The following PRKN variants were observed in gnomAD, a reference collection of about 807,000 sequenced individuals.
The protein encoded by PRKN is parkin RBR E3 ubiquitin protein ligase, also known as E3 ubiquitin-protein ligase parkin.
In PRKN, 56 loss-of-function variants were observed where a neutral mutation model predicts 59.5. That is an observed-to-expected ratio of 0.94 (90% confidence interval 0.76 to 1.18). PRKN has a LOEUF of 1.18. Among genes scored for constraint, PRKN ranks in the 50% most tolerant of loss-of-function variants. The probability of loss-of-function intolerance (pLI) is 0.00; values close to 1 mark genes in which losing one functional copy is unlikely to be tolerated. For synonymous variants in PRKN, 250 were observed against 222.1 expected (o/e 1.13, Z -1.12); for missense variants, 657 against 596.4 (o/e 1.10, Z -1.06).
chr6:161,873,860 G>T lies in PRKN; in HGVS notation c.735-87952C>A, dbSNP rs1037770268. The stretch of plus-strand genomic sequence containing the variant: ...AACAATATATTTAAGACTTTTAAAA[G>T]ACCTGTTTTTTGTTTATATATAAAT... On this transcript the variant is annotated intron_variant, in intron 6 of 11. Transcript: ENST00000366898. 3.9e-5 allele frequency among the ~76,000 whole-genome samples: 5 copies of T among 127,486 alleles called. 2 individuals are homozygous for T. The highest frequency in any genetic ancestry group is 1.4e-4 in the African/African-American group (5 of 36,014). The allele number at this position is 127,486 out of a possible 152,430, so 83.6% of individuals were successfully genotyped here.
chr6:162,235,202 T>C (rs1778598197), intron 3 of PRKN, among the ~76,000 whole-genome samples: 1 of 152,184 alleles, frequency 6.6e-6, no homozygotes, highest in Non-Finnish European at 1.5e-5. Flanking sequence ...CTGTCCAGAT[T>C]GCTTTTAAAA....
At chr6:162,423,726 T>A (rs1002305061) in intron 2 of PRKN, among the ~76,000 whole-genome samples, 2 of 152,176 alleles carry the variant, frequency 1.3e-5, no homozygotes, top group East Asian at 3.9e-4. Context: ...AGACGTTAAA[T>A]CAATTCAGCC....
chr6:162,086,979 C>T (rs1290878564), intron 4 of PRKN, among the ~76,000 whole-genome samples: 1 of 152,096 alleles, frequency 6.6e-6, no homozygotes, highest in East Asian at 1.9e-4. Context: ...TATGAAAATA[C>T]AAGGAAATAT....
At chr6:162,292,904 C>T (rs963647901) in intron 2 of PRKN, among the ~76,000 whole-genome samples, 1 of 152,144 alleles carries the variant, frequency 6.6e-6, no homozygotes, top group African/African-American at 2.4e-5. Flanking sequence ...AGCAGCAATA[C>T]TGTAGGTATG....
chr6:162,515,570 A>G (rs574534914), intron 1 of PRKN, among the ~76,000 whole-genome samples: 1 of 152,324 alleles, frequency 6.6e-6, no homozygotes, highest in South Asian at 2.1e-4. Flanking sequence ...TTGGCAAAGT[A>G]TTGGTAAGTA....
At chr6:161,600,542 A>G (rs1336810986) in intron 7 of PRKN, among the ~76,000 whole-genome samples, 1 of 152,218 alleles carries the variant, frequency 6.6e-6, no homozygotes, top group Non-Finnish European at 1.5e-5. Context: ...ATACCCAGAC[A>G]GTACTAGTTA....
intron 2 of PRKN, among the ~76,000 whole-genome samples, chr6:162,328,433 A>C (rs1246358506): frequency 1.3e-5 from 2 of 152,182 alleles, no homozygotes; most frequent in Non-Finnish European, 1.5e-5. Flanking sequence ...CTGTGAACAC[A>C]GTCATTTCTG....
intron 4 of PRKN, among the ~76,000 whole-genome samples, chr6:162,093,696 C>T (rs1779608514): frequency 6.6e-6 from 1 of 152,134 alleles, no homozygotes; most frequent in Admixed American, 6.6e-5. Context: ...CTGAAGAACA[C>T]ACACATATAT....
At chr6:162,083,252 TC>T (rs1347846739) in intron 4 of PRKN, among the ~76,000 whole-genome samples, 4 of 151,916 alleles carry the variant, frequency 2.6e-5, no homozygotes, top group African/African-American at 9.7e-5. Context: ...AAAACAAAGA[TC>T]CCCAATCACT....
intron 1 of PRKN, among the ~76,000 whole-genome samples, chr6:162,488,032 T>TTTG (rs1168493972): frequency 0.026 from 3,387 of 130,554 alleles, 102 homozygotes; most frequent in Admixed American, 0.047. Flanking sequence ...TTTCCCTTTT[T>TTTG]TTTTTTTTTT....
intron 2 of PRKN, among the ~76,000 whole-genome samples, chr6:162,340,963 T>A (rs756712264): frequency 6.6e-6 from 1 of 151,944 alleles, no homozygotes; most frequent in Non-Finnish European, 1.5e-5. Context: ...AAAGAAACTA[T>A]CCTCAGAGTC....
intron 3 of PRKN, among the ~76,000 whole-genome samples, chr6:162,202,280 T>C (rs1954942): frequency 0.071 from 10,764 of 151,922 alleles, 1,193 homozygotes; most frequent in African/African-American, 0.24. Context: ...AGAACAAAAA[T>C]AATGAAAAAA....
At position 161,857,736 on chromosome 6, in the gene PRKN, C is replaced by T. The variant is rs376540216; in HGVS notation, c.735-71828G>A. On this transcript the variant is annotated intron_variant, in intron 6 of 11. Transcript: ENST00000366898. ...TGTTACTAATACTACCATTTCTATA[C>T]GTAGCATGATTTCTCCTCTCTGGTT... is the stretch of plus-strand genomic sequence containing the variant. Among the ~76,000 whole-genome samples the T allele has an allele frequency of 3.1e-4, 47 of 152,292 alleles. 1 individual carries two copies. The East Asian group carries it at 7.5e-3, about 24-fold the overall frequency.
In PRKN at chr6:161,353,550, G is replaced by A. The variant is rs1050622333; in HGVS notation, c.1286-3339C>T. On this transcript the variant is annotated intron_variant, in intron 11 of 11. Transcript: ENST00000366898. The surrounding 1 kb of genome is among the most constrained non-coding windows in gnomAD (Gnocchi z 4.8). ...GAACACATGGAGGTTTCTGATGGGC[G>A]GAGCACCCAGGGAAGGCTTGGAAGC... Among the ~76,000 whole-genome samples, 14 of 152,312 alleles carry A rather than the reference G, an allele frequency of 9.2e-5. No individual in the cohort carries two copies. The highest frequency in any genetic ancestry group is 3.4e-3 in the Middle Eastern group (1 of 294).
intron 6 of PRKN, among the ~76,000 whole-genome samples, chr6:161,868,861 C>T (rs1299772764): frequency 6.6e-6 from 1 of 152,168 alleles, no homozygotes; most frequent in East Asian, 1.9e-4. Flanking sequence ...GAGGCCCTTG[C>T]AGCAGGTACT....
At chr6:162,517,323 C>G (rs554698117) in intron 1 of PRKN, among the ~76,000 whole-genome samples, 1 of 151,240 alleles carries the variant, frequency 6.6e-6, no homozygotes, top group South Asian at 2.1e-4. Flanking sequence ...TCTCGGCTCA[C>G]TGCAAGGTCT....
chr6:161,524,323 G>C (rs980820461), intron 9 of PRKN, among the ~76,000 whole-genome samples: 1 of 152,110 alleles, frequency 6.6e-6, no homozygotes, highest in African/African-American at 2.4e-5. Flanking sequence ...GTATCTATAG[G>C]AAGATATTTC....
intron 6 of PRKN, among the ~76,000 whole-genome samples, chr6:161,863,034 T>A (rs1330963847): frequency 6.6e-6 from 1 of 152,174 alleles, no homozygotes. Context: ...AGAATCAAGC[T>A]GCTTTTGTGT....
chr6:162,439,021 G>A (rs1562765349), intron 2 of PRKN, among the ~76,000 whole-genome samples: 1 of 152,006 alleles, frequency 6.6e-6, no homozygotes, highest in Non-Finnish European at 1.5e-5. Flanking sequence ...TCATTTCTAT[G>A]TTCCAACTTC....
Sources: gnomAD v4.1 joint callset for allele counts (sites outside exome capture counted in the v4.1 genomes callset) on GRCh38, gnomAD v4.1.1 for gene constraint, Gnocchi (gnomAD v3.1) non-coding constraint, MANE v1.5 for transcripts, NCBI Gene and HGNC (gene_info 2026-07-23, HGNC 2026-07-21) for gene names.